BRD4: variants seen among roughly 807,000 people sequenced by gnomAD.
The protein encoded by BRD4 is bromodomain-containing protein 4.
A neutral mutation model predicts 142.1 loss-of-function variants in BRD4; 16 were observed. The observed-to-expected ratio is 0.11, with a 90% confidence interval of 0.08 to 0.17. The LOEUF is 0.17. Ranked by LOEUF, BRD4 falls within the 10% of genes least tolerant of loss-of-function variation. BRD4 has a pLI of 1.00. For synonymous variants in BRD4, 833 were observed against 707.5 expected (o/e 1.18, Z -2.82); for missense variants, 1,424 against 1,810.9 (o/e 0.79, Z 3.88).
chr19:15,263,283 G>T, intron 7 of BRD4, 137 bp downstream of exon 7: 2 of 1,128,384 alleles, frequency 1.8e-6, no homozygotes, highest in Non-Finnish European at 2.5e-6. Context: ...CTGACTTTAG[G>T]CACTTTTCTA....
At chr19:15,300,921 A>T (rs957301906) in intron 1 of BRD4, among the ~76,000 whole-genome samples, 1 of 152,194 alleles carries the variant, frequency 6.6e-6, no homozygotes, top group African/African-American at 2.4e-5. Flanking sequence ...CAGCCATCTC[A>T]CTTGCAGGTC....
At chr19:15,313,529 T>C (rs1341664463) in intron 1 of BRD4, among the ~76,000 whole-genome samples, 1 of 143,824 alleles carries the variant, frequency 7.0e-6, no homozygotes. Flanking sequence ...CAAAAAAATT[T>C]GCCGGGCGTG....
chr19:15,251,090 G>A (rs1438700692), intron 11 of BRD4, among the ~76,000 whole-genome samples: 2 of 152,212 alleles, frequency 1.3e-5, no homozygotes, highest in Admixed American at 1.3e-4. Context: ...ACTGCATGCT[G>A]CTGGGGCAGA....
At chr19:15,315,878 G>A (rs1005850411) in intron 1 of BRD4, among the ~76,000 whole-genome samples, 35 of 151,482 alleles carry the variant, frequency 2.3e-4, no homozygotes, top group Non-Finnish European at 3.1e-4. Flanking sequence ...AGAAGCGGCC[G>A]GGCGCCATGG....
At chr19:15,330,961 G>T (rs370206628) in intron 1 of BRD4, among the ~76,000 whole-genome samples, 3 of 152,048 alleles carry the variant, frequency 2.0e-5, no homozygotes, top group Non-Finnish European at 1.5e-5. Flanking sequence ...ACTGGCTTAC[G>T]AGGTAAACTG....
chr19:15,248,521 A>T (rs1599440185), intron 11 of BRD4: 2 of 222,752 alleles, frequency 9.0e-6, no homozygotes, highest in East Asian at 1.3e-4. Context: ...TGGTTCCAGG[A>T]GGTACTTTCC....
At position 15,269,031 on chromosome 19, in the gene BRD4, C is replaced by T. The variant is rs763461840; in HGVS notation, c.297G>A (p.Lys99=). The T allele has an allele frequency of 3.1e-6, 5 of 1,613,988 alleles. No homozygotes were observed. In the East Asian group the frequency reaches 8.9e-5, roughly 29 times the overall value. Residue 99 remains lysine (K), a synonymous_variant, in exon 3 of 20, where the codon AAG becomes AAA. Transcript: ENST00000679869. The part of the protein sequence containing the change: ...AVKLNLPDYY[K]IIKTPMDMGT... ...CCATATCCATAGGCGTTTTAATGAT[C>T]TTATAGTAATCCTGGAGAGCAGAGA...
At chr19:15,308,073 C>A (rs1220975794) in intron 1 of BRD4, among the ~76,000 whole-genome samples, 2 of 131,768 alleles carry the variant, frequency 1.5e-5, no homozygotes, top group Non-Finnish European at 3.1e-5. Context: ...GACTGTGCCA[C>A]TGCACTCCAG....
At chr19:15,257,435 C>T (rs2047424014) in intron 7 of BRD4, 2 of 519,390 alleles carry the variant, frequency 3.9e-6, no homozygotes, top group East Asian at 3.2e-5. Flanking sequence ...CCCTGGAGGA[C>T]ACCGCCCAGG....
intron 1 of BRD4, among the ~76,000 whole-genome samples, chr19:15,279,337 A>G (rs2047682763): frequency 6.6e-6 from 1 of 152,230 alleles, no homozygotes; most frequent in Non-Finnish European, 1.5e-5. Context: ...AAATCTAACA[A>G]AAGATATAGA....
Position 15,239,964 on chromosome 19 carries a change from G to A in BRD4, c.3228C>T (p.Phe1076=), listed in dbSNP as rs1299178841. The change falls in exon 15 of 20, where the codon TTC becomes TTT. Residue 1076 remains phenylalanine, a synonymous_variant. Transcript: ENST00000679869. The surrounding 1 kb of genome is among the most constrained non-coding windows in gnomAD (Gnocchi z 7.4). ...LMIHSPQMSQ[F]QSLTHQSPPQ... ...GTGGAGACTGGTGGGTCAGGCTCTG[G>A]AACTGTGACATCTGGGGGGAATGTA... The A allele has an allele frequency of 1.2e-6, 2 of 1,613,988 alleles. No homozygotes were observed. The highest frequency in any genetic ancestry group is 1.7e-5 in the Admixed American group (1 of 60,016).
rs1441637281 is a variant in BRD4 at position 15,261,317 on chromosome 19, C to T, written c.1341+2103G>A. Reference sequence around the variant, plus strand: ...CTGACCAATCGGCAAAACCCCCTCTCTACTAAAAAACAAAAATTAGCTGGG... The same window carrying T: ...CTGACCAATCGGCAAAACCCCCTCTTTACTAAAAAACAAAAATTAGCTGGG... On this transcript the variant is annotated intron_variant, in intron 7 of 19. Coordinates refer to ENST00000679869, the MANE Select transcript of BRD4 (RefSeq NM_001379291.1). Among the ~76,000 whole-genome samples the T allele has an allele frequency of 3.3e-5, 5 of 152,202 alleles. No homozygotes were observed. In the East Asian group the frequency reaches 9.7e-4, roughly 29 times the overall value.
intron 11 of BRD4, chr19:15,246,934 G>A (rs926424337): frequency 1.7e-5 from 3 of 174,930 alleles, no homozygotes; most frequent in African/African-American, 7.1e-5. Context: ...CATGTGGTCT[G>A]AGCCTTGTGT....
chr19:15,246,092 A>G (rs1221696504), intron 11 of BRD4, among the ~76,000 whole-genome samples: 1 of 152,204 alleles, frequency 6.6e-6, no homozygotes, highest in Non-Finnish European at 1.5e-5. Flanking sequence ...ACAAATGACC[A>G]GGGGCTGCAA....
intron 7 of BRD4, among the ~76,000 whole-genome samples, chr19:15,262,964 A>G (rs1365682293): frequency 6.6e-6 from 1 of 152,060 alleles, no homozygotes; most frequent in African/African-American, 2.4e-5. Context: ...GTGACCCAGG[A>G]CCCCCAATCA....
chr19:15,324,858 C>G (rs995482150), intron 1 of BRD4, among the ~76,000 whole-genome samples: 1 of 152,214 alleles, frequency 6.6e-6, no homozygotes, highest in African/African-American at 2.4e-5. Flanking sequence ...ATCCCATTAT[C>G]ACTGCTCTTA....
At chr19:15,284,102 A>G (rs1434971337) in intron 1 of BRD4, among the ~76,000 whole-genome samples, 4 of 152,194 alleles carry the variant, frequency 2.6e-5, no homozygotes. Context: ...CTTTTCTTCA[A>G]TGATATTACC....
intron 4 of BRD4, among the ~76,000 whole-genome samples, chr19:15,266,134 T>A (rs2047532183): frequency 6.6e-6 from 1 of 152,336 alleles, no homozygotes; most frequent in East Asian, 1.9e-4. Flanking sequence ...CTGCCCTTCA[T>A]GACTGGCTCG....
At chr19:15,325,997 C>CAAAAAAAAAAAAAAAAAAAAA (rs35801340) in intron 1 of BRD4, among the ~76,000 whole-genome samples, 1 of 50,714 alleles carries the variant, frequency 2.0e-5, no homozygotes, top group Non-Finnish European at 3.6e-5. Context: ...GACTCCGTCT[C>CAAAAAAAAAAAAAAAAAAAAA]AAAAAAAAAA....
Sources: gnomAD v4.1 joint callset for allele counts (sites outside exome capture counted in the v4.1 genomes callset) on GRCh38, gnomAD v4.1.1 for gene constraint, Gnocchi (gnomAD v3.1) non-coding constraint, MANE v1.5 for transcripts, NCBI Gene and HGNC (gene_info 2026-07-23, HGNC 2026-07-21) for gene names.